PSMA6: variants seen among roughly 807,000 people sequenced by gnomAD.
PSMA6 encodes proteasome 20S subunit alpha 6, also known as proteasome subunit alpha type-6.
For missense variants in PSMA6, 170 were observed against 294.8 expected (o/e 0.58, Z 3.10); for synonymous variants, 88 against 97.7 (o/e 0.90, Z 0.59).
intron 1 of PSMA6, among the ~76,000 whole-genome samples, chr14:35,293,909 A>G (rs552865253): frequency 1.3e-5 from 2 of 152,368 alleles, no homozygotes; most frequent in East Asian, 1.9e-4. Flanking sequence ...GTCCAGCCAT[A>G]AAGCATAATC....
At chr14:35,297,137 T>G (rs2051609625) in intron 1 of PSMA6, among the ~76,000 whole-genome samples, 1 of 149,886 alleles carries the variant, frequency 6.7e-6, no homozygotes, top group Non-Finnish European at 1.5e-5. Flanking sequence ...TTTTTTTTTT[T>G]TTTTTTTTTG....
At chr14:35,287,322 A>G (rs2051430284) in intron 1 of PSMA6, among the ~76,000 whole-genome samples, 1 of 152,102 alleles carries the variant, frequency 6.6e-6, no homozygotes, top group African/African-American at 2.4e-5. Context: ...GCCCCTTAAC[A>G]TCAGGATACT....
chr14:35,287,455 G>T (rs549999956), upstream of PSMA6, among the ~76,000 whole-genome samples: 1 of 151,946 alleles, frequency 6.6e-6, no homozygotes, highest in African/African-American at 2.4e-5. Context: ...TGAAACTGCC[G>T]GCAGAGCACC....
At chr14:35,283,219 A>C (rs1182241770) in intron 1 of PSMA6, among the ~76,000 whole-genome samples, 1 of 151,940 alleles carries the variant, frequency 6.6e-6, no homozygotes, top group Non-Finnish European at 1.5e-5. Flanking sequence ...CCCATTTTTT[A>C]AATGAAGGAA....
At chr14:35,299,168 A>G (rs1157259865) in intron 1 of PSMA6, among the ~76,000 whole-genome samples, 1 of 151,890 alleles carries the variant, frequency 6.6e-6, no homozygotes, top group Non-Finnish European at 1.5e-5. Flanking sequence ...CTGGGAGTAC[A>G]GGTATACACC....
intron 1 of PSMA6, among the ~76,000 whole-genome samples, chr14:35,301,370 G>T (rs2051708058): frequency 6.6e-6 from 1 of 152,078 alleles, no homozygotes; most frequent in South Asian, 2.1e-4. Flanking sequence ...AGCTGGGTGT[G>T]GTGGTGTGTG....
intron 1 of PSMA6, chr14:35,293,114 A>G (rs912519824): frequency 4.6e-6 from 2 of 432,200 alleles, no homozygotes; most frequent in African/African-American, 4.1e-5. Context: ...AAAAAAATTA[A>G]AAGTGCCAAT....
intron 4 of PSMA6, among the ~76,000 whole-genome samples, chr14:35,312,538 T>G (rs1299650863): frequency 1.3e-5 from 2 of 151,768 alleles, no homozygotes; most frequent in East Asian, 3.9e-4. Context: ...AAAAAGTGTT[T>G]TTGAAGTTTA....
At position 35,307,745 on chromosome 14, in the gene PSMA6, A is replaced by G. The variant is rs547454706; in HGVS notation, c.77-249A>G. Among the ~76,000 whole-genome samples, 283 of 152,224 alleles carry G rather than the reference A, an allele frequency of 1.9e-3. 2 individuals are homozygous for G. Among genetic ancestry groups the G allele is most frequent in the African/African-American group, 6.5e-3 (271 of 41,526 alleles). On this transcript the variant is annotated intron_variant, in intron 1 of 6. Coordinates refer to ENST00000261479, the MANE Select transcript of PSMA6 (RefSeq NM_002791.3). ...CGAGACTCTGTTTAAAAAAAGAAAAAAACTTTATTGGAAATTGGGTGCATC... is the reference window on the plus strand; with the variant it reads ...CGAGACTCTGTTTAAAAAAAGAAAAGAACTTTATTGGAAATTGGGTGCATC...
At chr14:35,292,818 C>T (rs2051511673) in intron 1 of PSMA6, 1 of 592,860 alleles carries the variant, frequency 1.7e-6, no homozygotes, top group Non-Finnish European at 3.0e-6. Flanking sequence ...GGCTGTAATG[C>T]CTGACTCCGG....
chr14:35,297,416 C>T (rs1318602683), intron 1 of PSMA6, among the ~76,000 whole-genome samples: 2 of 151,880 alleles, frequency 1.3e-5, no homozygotes, highest in Non-Finnish European at 1.5e-5. Context: ...GGGGTTTCAC[C>T]GTGTTAGCCA....
intron 2 of PSMA6, 128 bp downstream of exon 2, chr14:35,308,216 G>A (rs1230555586): frequency 8.0e-7 from 1 of 1,244,328 alleles, no homozygotes; most frequent in African/African-American, 1.5e-5. Flanking sequence ...TAGATCGGGA[G>A]TTCTAGACCA....
intron 1 of PSMA6, among the ~76,000 whole-genome samples, chr14:35,304,463 G>A (rs948751642): frequency 3.3e-5 from 5 of 151,996 alleles, no homozygotes; most frequent in South Asian, 2.1e-4. Flanking sequence ...GAGCGCGGTC[G>A]CTCACACCTG....
chr14:35,312,506 CAA>C (rs200184285), intron 4 of PSMA6, among the ~76,000 whole-genome samples: 3,698 of 98,738 alleles, frequency 0.037, 18 homozygotes, highest in Non-Finnish European at 0.054. Flanking sequence ...GAGTCTGTCT[CAA>C]AAAAAAAAAA....
chr14:35,317,318 A>G lies in PSMA6; in HGVS notation c.*12A>G. The G allele has an allele frequency of 6.3e-7, 1 of 1,596,998 alleles. No homozygotes were observed. The highest frequency in any genetic ancestry group is 8.6e-7 in the Non-Finnish European group (1 of 1,165,918). On this transcript the variant is annotated 3_prime_UTR_variant, in exon 7 of 7. Coordinates refer to ENST00000261479, the MANE Select transcript of PSMA6 (RefSeq NM_002791.3). Reference sequence around the variant, plus strand: ...CAGAGAGAGACTAAACATTGTCGTTAGTTTACCAGATCCGTGATGCCACTT... The same window carrying G: ...CAGAGAGAGACTAAACATTGTCGTTGGTTTACCAGATCCGTGATGCCACTT...
At position 35,310,191 on chromosome 14, in the gene PSMA6, C is replaced by CT. The variant is rs33988739; in HGVS notation, c.254-534dup. The CT allele has an allele frequency of 5.6e-3, 1,974 of 352,268 alleles. 1 individual carries two copies. The highest frequency in any genetic ancestry group is 6.5e-3 in the East Asian group (69 of 10,540). 21.8% of individuals were successfully genotyped at this position (352,268 alleles called of 1,614,324 possible). A position where few individuals can be genotyped will look rare whatever the true frequency, so the allele number is the denominator to read the frequency against. ...AAGAAAGATTATTCTCTCTCAAGGC[C>CT]TTTTTTTTTTTTTTTGGAGACAGAG... On this transcript the variant is annotated intron_variant, in intron 3 of 6. Transcript: ENST00000261479.
At chr14:35,308,786 T>A in intron 2 of PSMA6, 128 bp from the exon 3 acceptor site, 2 of 661,730 alleles carry the variant, frequency 3.0e-6, no homozygotes, top group African/African-American at 3.7e-5. Flanking sequence ...TTATACAGTT[T>A]ATTTTTATGG....
At chr14:35,313,314 A>G in intron 5 of PSMA6, 1 of 332,888 alleles carries the variant, frequency 3.0e-6, no homozygotes, top group Non-Finnish European at 5.3e-6. Flanking sequence ...AAAAATAGGA[A>G]CCAGCTGGGC....
intron 1 of PSMA6, among the ~76,000 whole-genome samples, chr14:35,283,446 A>G: frequency 6.6e-6 from 1 of 151,942 alleles, no homozygotes; most frequent in East Asian, 1.9e-4. Context: ...TGATTCCACA[A>G]TGTCAATAGG....
Sources: allele counts gnomAD v4.1 joint callset (sites outside exome capture counted in the v4.1 genomes callset), GRCh38; gene constraint gnomAD v4.1.1; transcripts MANE v1.5; gene names NCBI Gene and HGNC (gene_info 2026-07-23, HGNC 2026-07-21).